Variants in ANKRD46 observed in about 807,000 individuals in gnomAD.
ANKRD46 encodes the protein ankyrin repeat domain 46.
ANKRD46 carries 13 observed loss-of-function variants against 19.8 expected under a neutral mutation model. That is an observed-to-expected ratio of 0.66 (90% CI 0.43 to 1.04). ANKRD46 has a LOEUF of 1.04. ANKRD46 is among the 50% of genes least tolerant of loss of function. The probability of loss-of-function intolerance (pLI) is 0.00; values close to 1 mark genes in which losing one functional copy is unlikely to be tolerated. For missense variants in ANKRD46, 185 were observed against 274.8 expected, an observed-to-expected ratio of 0.67 and a Z score of 2.31; for synonymous variants, 91 against 106.9, an observed-to-expected ratio of 0.85 and a Z score of 0.92.
At chr8:100,518,348 T>C (rs1291969871), downstream of ANKRD46, among the ~76,000 whole-genome samples, 1 of 152,218 alleles carries the variant, frequency 6.6e-6, no homozygotes, top group Non-Finnish European at 1.5e-5. Context: ...AATATGTAAA[T>C]GCTCAGGCCC....
At position 100,514,939 on chromosome 8, in the gene ANKRD46, C is replaced by T. The variant is rs7842464; in HGVS notation, c.637-4300G>A. Among the ~76,000 whole-genome samples, 1,091 of 152,232 alleles carry T rather than the reference C, an allele frequency of 7.2e-3. 15 individuals are homozygous for T. The highest frequency in any genetic ancestry group is 0.025 in the African/African-American group (1,044 of 41,530). On this transcript the variant is annotated intron_variant, in intron 5 of 5. Coordinates refer to the ANKRD46 transcript ENST00000520552. ...ACAGGAGTGAGCCACCACACCCAGC[C>T]TTATTCCCCCATCTTTACACATATT...
chr8:100,528,357 C>T (rs889916352), intron 3 of ANKRD46, among the ~76,000 whole-genome samples: 5 of 152,078 alleles, frequency 3.3e-5, no homozygotes, highest in South Asian at 2.1e-4. Context: ...AAGTAATAGC[C>T]GTGTGCCTCT....
At chr8:100,552,866 C>A (rs1021664262) in intron 1 of ANKRD46, among the ~76,000 whole-genome samples, 6 of 152,142 alleles carry the variant, frequency 3.9e-5, no homozygotes, top group Non-Finnish European at 8.8e-5. Context: ...ATTAGGTTTT[C>A]TGTTACTTAG....
chr8:100,555,481 T>TA (rs913208024), intron 1 of ANKRD46, among the ~76,000 whole-genome samples: 54 of 135,986 alleles, frequency 4.0e-4, no homozygotes, highest in Middle Eastern at 3.7e-3. Context: ...GGACTGGGAC[T>TA]AAAAAAAAAA....
At chr8:100,555,887 G>A (rs1351830715) in intron 1 of ANKRD46, among the ~76,000 whole-genome samples, 1 of 152,034 alleles carries the variant, frequency 6.6e-6, no homozygotes, top group Admixed American at 6.5e-5. Context: ...ACAGATGGCT[G>A]TATTTGCTAT....
At chr8:100,558,089 C>T (rs537690234) in intron 1 of ANKRD46, among the ~76,000 whole-genome samples, 1 of 152,288 alleles carries the variant, frequency 6.6e-6, no homozygotes, top group African/African-American at 2.4e-5. Flanking sequence ...TATACGCTTG[C>T]TATATGAATG....
chr8:100,529,824 C>T lies in ANKRD46; in HGVS notation c.10G>A (p.Val4Ile). Residue 4 changes from valine to isoleucine, a missense_variant, in exon 3 of 5, where the codon GTT (valine) becomes ATT (isoleucine). Val to Ile is a conservative substitution (Grantham distance 29). Coordinates refer to ENST00000335659, the MANE Select transcript of ANKRD46 (RefSeq NM_001270377.2). This position sits in a 1 kb window ranked among gnomAD's most constrained non-coding sequence, Gnocchi z 5.8. ...GTCTGAGAAGAATCATTTACAAAAACATACGACATTGTTCTGATGTGGTGG... is the reference window on the plus strand; with the variant it reads ...GTCTGAGAAGAATCATTTACAAAAATATACGACATTGTTCTGATGTGGTGG... The part of the protein sequence containing the change: MSY[V>I]FVNDSSQTNV... The T allele has an allele frequency of 1.1e-5, 18 of 1,613,990 alleles. No homozygotes were observed. The highest frequency in any genetic ancestry group is 1.5e-5 in the Non-Finnish European group (18 of 1,179,900).
At chr8:100,549,310 T>TA (rs1002996705) in intron 1 of ANKRD46, among the ~76,000 whole-genome samples, 62 of 152,050 alleles carry the variant, frequency 4.1e-4, no homozygotes, top group African/African-American at 1.4e-3. Flanking sequence ...ACATTTGAAG[T>TA]AAAAAATAAC....
chr8:100,527,472 C>T lies in ANKRD46; in HGVS notation c.470+373G>A, dbSNP rs756771684. ...CTTAAAATCATCAAGCTCCGGCTTCCTCCCCTCAGATTCATTTGTTACTAT... is the reference window on the plus strand; with the variant it reads ...CTTAAAATCATCAAGCTCCGGCTTCTTCCCCTCAGATTCATTTGTTACTAT... On this transcript the variant is annotated intron_variant, in intron 4 of 4. Coordinates refer to ENST00000335659, the MANE Select transcript of ANKRD46 (RefSeq NM_001270377.2). The surrounding 1 kb of genome is among the most constrained non-coding windows in gnomAD (Gnocchi z 4.0). Among the ~76,000 whole-genome samples, 3 of 152,132 alleles carry T rather than the reference C, an allele frequency of 2.0e-5. No individual in the cohort carries two copies. The highest frequency in any genetic ancestry group is 4.4e-5 in the Non-Finnish European group (3 of 68,026).
intron 2 of ANKRD46, among the ~76,000 whole-genome samples, chr8:100,530,708 G>A (rs1004034861): frequency 6.6e-6 from 1 of 152,154 alleles, no homozygotes; most frequent in Non-Finnish European, 1.5e-5. Context: ...TTAAGAGAAA[G>A]GCTAAGGAAT....
At position 100,532,019 on chromosome 8, in the gene ANKRD46, C is replaced by G. The variant is rs985301754; in HGVS notation, c.-28+1190G>C. ...ACGCACTGGAGAGGAACAGAGAAGA[C>G]AGAATTAGCACAACTTAATGACTCA... On this transcript the variant is annotated intron_variant, in intron 2 of 4. Coordinates refer to ENST00000335659, the MANE Select transcript of ANKRD46 (RefSeq NM_001270377.2). The surrounding 1 kb of genome is among the most constrained non-coding windows in gnomAD (Gnocchi z 4.7). Among the ~76,000 whole-genome samples, 3 of 151,870 alleles carry G rather than the reference C, an allele frequency of 2.0e-5. No individual in the cohort carries two copies. The South Asian group carries it at 6.2e-4, about 32-fold the overall frequency.
downstream of ANKRD46, among the ~76,000 whole-genome samples, chr8:100,516,308 C>T (rs577379067): frequency 1.6e-4 from 25 of 152,182 alleles, no homozygotes; most frequent in African/African-American, 6.0e-4. Flanking sequence ...TTTTGGAACA[C>T]AGAAAGACAC....
At chr8:100,515,210 G>A (rs1036622508) in intron 5 of ANKRD46, among the ~76,000 whole-genome samples, 2 of 152,186 alleles carry the variant, frequency 1.3e-5, no homozygotes, top group Middle Eastern at 3.4e-3. Flanking sequence ...AGTATGCAGC[G>A]GACAATGAGC....
At chr8:100,514,192 G>A (rs1452306193) in intron 5 of ANKRD46, among the ~76,000 whole-genome samples, 1 of 152,052 alleles carries the variant, frequency 6.6e-6, no homozygotes, top group East Asian at 1.9e-4. Flanking sequence ...TTTGGCCTAG[G>A]GACACATAAA....
chr8:100,522,932 C>T (rs1464598717), intron 4 of ANKRD46, among the ~76,000 whole-genome samples, 161 bp from the exon 5 acceptor site: 2 of 150,580 alleles, frequency 1.3e-5, no homozygotes, highest in Admixed American at 1.3e-4. Context: ...CTCTTACATG[C>T]TTACGTATCT....
downstream of ANKRD46, among the ~76,000 whole-genome samples, chr8:100,518,092 G>A (rs1271505397): frequency 6.6e-6 from 1 of 152,242 alleles, no homozygotes; most frequent in East Asian, 1.9e-4. Context: ...TAGGGAGGCT[G>A]AGACAGGAGA....
chr8:100,537,253 G>T lies in ANKRD46; in HGVS notation c.-130-3942C>A, dbSNP rs924644840. ...ATAGATGGATTTTTCATTTTGAAAG[G>T]CCATTTGGAAAGGGAAGACTAAGTA... is the stretch of plus-strand genomic sequence containing the variant. On this transcript the variant is annotated intron_variant, in intron 1 of 4. Coordinates refer to ENST00000335659, the MANE Select transcript of ANKRD46 (RefSeq NM_001270377.2). This position sits in a 1 kb window ranked among gnomAD's most constrained non-coding sequence, Gnocchi z 4.2. 1.3e-5 allele frequency among the ~76,000 whole-genome samples: 2 copies of T among 152,102 alleles called. No homozygotes were observed. Among genetic ancestry groups the T allele is most frequent in the East Asian group, 3.8e-4 (2 of 5,200 alleles).
At chr8:100,530,351 C>T (rs936000346) in intron 2 of ANKRD46, among the ~76,000 whole-genome samples, 3 of 151,962 alleles carry the variant, frequency 2.0e-5, no homozygotes, top group Non-Finnish European at 2.9e-5. Flanking sequence ...AGAACTTATA[C>T]TCAACAAAGA....
At chr8:100,515,142 C>G (rs150638141) in intron 5 of ANKRD46, among the ~76,000 whole-genome samples, 2 of 152,044 alleles carry the variant, frequency 1.3e-5, no homozygotes, top group African/African-American at 4.8e-5. Context: ...ATTTTATAAT[C>G]CCAGGGCTTA....
Sources: allele counts gnomAD v4.1 joint callset (sites outside exome capture counted in the v4.1 genomes callset), GRCh38; gene constraint gnomAD v4.1.1; non-coding constraint Gnocchi (gnomAD v3.1); transcripts MANE v1.5; gene names NCBI Gene and HGNC (gene_info 2026-07-23, HGNC 2026-07-21).